MED23: variants seen among roughly 807,000 people sequenced by gnomAD.
MED23 encodes mediator of RNA polymerase II transcription subunit 23.
A neutral mutation model predicts 163.9 loss-of-function variants in MED23; 105 were observed. The ratio of observed to expected loss-of-function variants is 0.64; its 90% CI spans 0.55 to 0.75. The LOEUF (loss-of-function observed/expected upper bound fraction) is 0.75, where lower values mean the gene tolerates loss of function less well. MED23 is among the 30% of genes least tolerant of loss of function. MED23 has a pLI of 0.00. For synonymous variants in MED23, 561 were observed against 565.6 expected, an observed-to-expected ratio of 0.99 and a Z score of 0.12; for missense variants, 1,054 against 1,649.0, an observed-to-expected ratio of 0.64 and a Z score of 6.25.
At chr6:131,579,514 T>A (rs1470174078) in intron 30 of MED23, 1 of 418,108 alleles carries the variant, frequency 2.4e-6, no homozygotes, top group South Asian at 3.2e-5. Context: ...AGAAAATGTA[T>A]GAAATATGAA....
chr6:131,603,288 T>C (rs959753383), intron 15 of MED23, 84 bp from the exon 16 acceptor site: 75 of 1,317,200 alleles, frequency 5.7e-5, no homozygotes, highest in Non-Finnish European at 8.0e-5. Flanking sequence ...TTGAGTAAAA[T>C]ATAAAGATTT....
chr6:131,617,655 C>T (rs1776789356), intron 9 of MED23, among the ~76,000 whole-genome samples: 1 of 152,066 alleles, frequency 6.6e-6, no homozygotes, highest in Non-Finnish European at 1.5e-5. Flanking sequence ...CATTTAAAAA[C>T]AGAATAACCA....
At chr6:131,604,059 C>T (rs1261474954) in intron 15 of MED23, 119 bp downstream of exon 15, 7 of 960,614 alleles carry the variant, frequency 7.3e-6, no homozygotes, top group African/African-American at 1.6e-5. Flanking sequence ...TAATGTCCTC[C>T]TCCATAAGCT....
chr6:131,615,272 AAGC>A (rs1387918360), intron 10 of MED23: 5 of 1,599,462 alleles, frequency 3.1e-6, no homozygotes, highest in African/African-American at 2.7e-5. Flanking sequence ...AGTGGCTACA[AAGC>A]GGCCAGCGTA....
At chr6:131,616,075 T>TA (rs1776668002) in intron 9 of MED23, 73 bp from the exon 10 acceptor site, 30 of 1,250,392 alleles carry the variant, frequency 2.4e-5, no homozygotes, top group Middle Eastern at 1.9e-4. Context: ...GAAATGAGAT[T>TA]AAAAAATCCT....
Position 131,628,132 on chromosome 6 carries a change from C to G in MED23, c.-83G>C. ...CTCTGGGAATATAGGGGCAGAGGGGCGGAGACCTCTGGAGGAAACCGTAGC... is the reference window on the plus strand; with the variant it reads ...CTCTGGGAATATAGGGGCAGAGGGGGGGAGACCTCTGGAGGAAACCGTAGC... On this transcript the variant is annotated 5_prime_UTR_variant, in exon 1 of 29. Transcript: ENST00000368068. The G allele has an allele frequency of 1.3e-6, 2 of 1,500,020 alleles. No homozygotes were observed. The highest frequency in any genetic ancestry group is 1.9e-6 in the Non-Finnish European group (2 of 1,080,420). The allele number at this position is 1,500,020 out of a possible 1,614,324, so 92.9% of individuals were successfully genotyped here.
chr6:131,608,730 A>G (rs1776045058), intron 11 of MED23, among the ~76,000 whole-genome samples: 1 of 152,132 alleles, frequency 6.6e-6, no homozygotes, highest in Admixed American at 6.5e-5. Context: ...TATAACAGAA[A>G]CTAATGGTGG....
intron 18 of MED23, 108 bp downstream of exon 18, chr6:131,599,930 A>G (rs1775343705): frequency 1.5e-6 from 2 of 1,358,766 alleles, no homozygotes; most frequent in Non-Finnish European, 2.1e-6. Context: ...TTTAAAATAA[A>G]TAAAAGCTAA....
intron 9 of MED23, among the ~76,000 whole-genome samples, chr6:131,616,934 A>G (rs1562399874): frequency 6.6e-6 from 1 of 152,146 alleles, no homozygotes; most frequent in Non-Finnish European, 1.5e-5. Context: ...TTGAATATAG[A>G]CCAATCAATT....
At chr6:131,590,169 G>A (rs560183513) in intron 27 of MED23, among the ~76,000 whole-genome samples, 153 bp downstream of exon 27, 2 of 152,180 alleles carry the variant, frequency 1.3e-5, no homozygotes, top group Admixed American at 1.3e-4. Flanking sequence ...TTCATTACTG[G>A]CAAACTAAGT....
chr6:131,628,061 C>T lies in MED23; in HGVS notation c.-12G>A, dbSNP rs757960488. On this transcript the variant is annotated 5_prime_UTR_variant, in exon 1 of 29. In the 5' UTR this introduces an upstream ATG that the reference lacks. Transcript: ENST00000368068. ...AGTTGCGTCTCCATCTGTACTATCACCCCCGCCTTTCCAGGGTGCCCGGCA... is the reference window on the plus strand; with the variant it reads ...AGTTGCGTCTCCATCTGTACTATCATCCCCGCCTTTCCAGGGTGCCCGGCA... 2.5e-6 allele frequency: 4 copies of T among 1,613,794 alleles called. No individual in the cohort carries two copies. The highest frequency in any genetic ancestry group is 1.7e-5 in the Admixed American group (1 of 60,000).
rs755492851 is a variant in MED23, at chr6:131,598,212, A to T, written c.2607+75T>A. The T allele has an allele frequency of 7.3e-7, 1 of 1,365,666 alleles. No homozygotes were observed. Among genetic ancestry groups the T allele is most frequent in the South Asian group, 1.2e-5 (1 of 84,858 alleles). 84.6% of individuals were successfully genotyped at this position (1,365,666 alleles called of 1,614,324 possible). On this transcript the variant is annotated intron_variant, in intron 20 of 28. Transcript: ENST00000368068. The surrounding 1 kb of genome is among the most constrained non-coding windows in gnomAD (Gnocchi z 4.7). ...CATTAAATCCTTCAAAGCAATATAG[A>T]GCAGATTGGCATAACATATATTAGT...
At chr6:131,583,430 A>G (rs1774040997), downstream of MED23, 1 of 1,614,044 alleles carries the variant, frequency 6.2e-7, no homozygotes, top group Non-Finnish European at 8.5e-7. Flanking sequence ...CTGGCACACC[A>G]GTCGTGGGAG....
At chr6:131,581,209 T>A in intron 30 of MED23, 1 of 1,613,766 alleles carries the variant, frequency 6.2e-7, no homozygotes, top group Non-Finnish European at 8.5e-7. Context: ...CAAAATTTTT[T>A]CCCCAAAAGT....
At chr6:131,578,939 C>A (rs915361516) in intron 30 of MED23, 1 of 668,830 alleles carries the variant, frequency 1.5e-6, no homozygotes, top group Non-Finnish European at 2.5e-6. Flanking sequence ...GGTAACATGA[C>A]GTCAAGCAAA....
At chr6:131,615,201 G>A (rs1585546269) in intron 10 of MED23, 2 of 1,012,622 alleles carry the variant, frequency 2.0e-6, no homozygotes, top group East Asian at 2.7e-5. Context: ...AGTGGCCTTG[G>A]TCTCAGCATG....
downstream of MED23, chr6:131,583,632 C>T (rs1774053390): frequency 6.6e-7 from 1 of 1,512,770 alleles, no homozygotes; most frequent in African/African-American, 1.4e-5. Flanking sequence ...AAAGTGTTTT[C>T]CATCGGTTAC....
intron 4 of MED23, among the ~76,000 whole-genome samples, chr6:131,623,752 G>C (rs1287518166): frequency 6.6e-6 from 1 of 152,080 alleles, no homozygotes; most frequent in Non-Finnish European, 1.5e-5. Flanking sequence ...GGTGCCTTTT[G>C]CCATTATTCT....
chr6:131,610,453 T>C (rs1299674184), intron 10 of MED23, among the ~76,000 whole-genome samples: 2 of 152,296 alleles, frequency 1.3e-5, no homozygotes, highest in Admixed American at 6.5e-5. Context: ...GTTTTCAGGT[T>C]TCCTACAAAA....
Sources: allele counts gnomAD v4.1 joint callset (sites outside exome capture counted in the v4.1 genomes callset), GRCh38; gene constraint gnomAD v4.1.1; non-coding constraint Gnocchi (gnomAD v3.1); transcripts MANE v1.5; gene names NCBI Gene and HGNC (gene_info 2026-07-23, HGNC 2026-07-21).